Variants in GSE1 observed in about 807,000 individuals in gnomAD.
The protein encoded by GSE1 is genetic suppressor element 1.
GSE1 carries 32 observed loss-of-function variants against 112.6 expected under a neutral mutation model. That is an observed-to-expected ratio of 0.28 (90% CI 0.21 to 0.38). The LOEUF (loss-of-function observed/expected upper bound fraction) is 0.38, where lower values mean the gene tolerates loss of function less well. Ranked by LOEUF, GSE1 falls within the 10% of genes least tolerant of loss-of-function variation. The pLI is 1.00. For synonymous variants in GSE1, 1,115 were observed against 735.6 expected (o/e 1.52, Z -8.35); for missense variants, 2,348 against 1,699.2 (o/e 1.38, Z -6.71).
intron 1 of GSE1, among the ~76,000 whole-genome samples, chr16:85,629,643 C>G (rs928852816): frequency 6.6e-6 from 1 of 152,198 alleles, no homozygotes; most frequent in Non-Finnish European, 1.5e-5. Context: ...CCAGTCCCAG[C>G]TTTCTCATAG....
At position 85,655,836 on chromosome 16, in the gene GSE1, G is replaced by A. The variant is rs778779111; in HGVS notation, c.908G>A (p.Gly303Glu). The A allele has an allele frequency of 9.3e-6, 15 of 1,610,922 alleles. No homozygotes were observed. Among genetic ancestry groups the A allele is most frequent in the Non-Finnish European group, 1.3e-5 (15 of 1,179,800 alleles). Residue 303 changes from glycine (G) to glutamate (E), a missense_variant, in exon 6 of 16, where the codon GGG becomes GAG. Coordinates refer to ENST00000253458, the MANE Select transcript of GSE1 (RefSeq NM_014615.5). ...HPSAMHLHLS[G>E]VRYPPELSHS... ...TCAGCGATGCACCTGCACCTCTCTGGGGTCCGCTACCCTCCCGAGCTCTCC... is the reference window on the plus strand; with the variant it reads ...TCAGCGATGCACCTGCACCTCTCTGAGGTCCGCTACCCTCCCGAGCTCTCC...
chr16:85,353,648 A>G (rs2046895002), intron 1 of GSE1, among the ~76,000 whole-genome samples: 3 of 151,954 alleles, frequency 2.0e-5, no homozygotes. Context: ...AGCCTCGGCA[A>G]CAAGCAAGAC....
intron 2 of GSE1, among the ~76,000 whole-genome samples, chr16:85,491,036 G>T (rs1326590426): frequency 6.6e-6 from 1 of 152,168 alleles, no homozygotes; most frequent in Non-Finnish European, 1.5e-5. Flanking sequence ...GGCCGCCAGG[G>T]TACCCCAAAG....
In GSE1 at chr16:85,654,539, C is replaced by G. The variant is rs1390317804; in HGVS notation, c.599+89C>G. On this transcript the variant is annotated intron_variant, in intron 4 of 15. Transcript: ENST00000253458. ...GTCCCCAGGCAGCCTGCGGTCTGCA[C>G]AGATGAGGCTGTGCCTGCTAGATGG... is the stretch of plus-strand genomic sequence containing the variant. 6.1e-6 allele frequency: 7 copies of G among 1,155,086 alleles called. No homozygotes were observed. The East Asian group carries it at 1.4e-4, about 24-fold the overall frequency. The allele number at this position is 1,155,086 out of a possible 1,614,324, so 71.6% of individuals were successfully genotyped here.
At chr16:85,635,544 C>T (rs1371720225) in intron 2 of GSE1, among the ~76,000 whole-genome samples, 1 of 152,162 alleles carries the variant, frequency 6.6e-6, no homozygotes, top group South Asian at 2.1e-4. Context: ...GGGACAGACC[C>T]TGGGAGGAAG....
intron 1 of GSE1, among the ~76,000 whole-genome samples, chr16:85,565,323 G>A (rs553201305): frequency 1.1e-4 from 16 of 151,838 alleles, no homozygotes; most frequent in African/African-American, 3.1e-4. Flanking sequence ...ACCTGGGAGC[G>A]GAGGTTGCAG....
chr16:85,237,538 A>G (rs891006203), intron 1 of GSE1, among the ~76,000 whole-genome samples: 1 of 151,770 alleles, frequency 6.6e-6, no homozygotes, highest in Non-Finnish European at 1.5e-5. Flanking sequence ...CTGGGGAGCC[A>G]CTGAAAGTGA....
chr16:85,228,668 T>C (rs2075531083), intron 1 of GSE1, among the ~76,000 whole-genome samples: 1 of 152,002 alleles, frequency 6.6e-6, no homozygotes, highest in African/African-American at 2.4e-5. Flanking sequence ...CCCACGAGAA[T>C]GGCATGAATT....
intron 1 of GSE1, among the ~76,000 whole-genome samples, chr16:85,566,397 G>T (rs937629631): frequency 4.7e-4 from 71 of 152,224 alleles, no homozygotes; most frequent in African/African-American, 1.6e-3. Flanking sequence ...AAGAAGAAAC[G>T]GAATCGTCCT....
chr16:85,440,761 A>G (rs1241190738), intron 2 of GSE1, among the ~76,000 whole-genome samples: 1 of 152,186 alleles, frequency 6.6e-6, no homozygotes, highest in Non-Finnish European at 1.5e-5. Flanking sequence ...ATGCCCGTGG[A>G]GGTGGGGCCT....
chr16:85,326,660 A>G (rs140703280), intron 1 of GSE1, among the ~76,000 whole-genome samples: 85 of 152,360 alleles, frequency 5.6e-4, no homozygotes, highest in African/African-American at 2.0e-3. Flanking sequence ...CTGTAAGTCA[A>G]TTAAACCTCT....
intron 1 of GSE1, among the ~76,000 whole-genome samples, chr16:85,587,485 G>A (rs2046761682): frequency 6.6e-6 from 1 of 152,150 alleles, no homozygotes; most frequent in Non-Finnish European, 1.5e-5. Flanking sequence ...CAGAGGGGGA[G>A]GGGGAGGGAC....
chr16:85,566,327 T>C (rs1405449534), intron 1 of GSE1, among the ~76,000 whole-genome samples: 2 of 152,182 alleles, frequency 1.3e-5, no homozygotes, highest in African/African-American at 2.4e-5. Context: ...GAAATGGCTG[T>C]CCGCCAGCCC....
intron 1 of GSE1, among the ~76,000 whole-genome samples, chr16:85,297,215 CG>C (rs1262990429): frequency 6.6e-6 from 1 of 152,198 alleles, no homozygotes; most frequent in Non-Finnish European, 1.5e-5. Flanking sequence ...TGGAGTTGCT[CG>C]GAGCATCTGT....
intron 2 of GSE1, among the ~76,000 whole-genome samples, chr16:85,429,460 C>G (rs1239657357): frequency 6.6e-6 from 1 of 152,196 alleles, no homozygotes; most frequent in Non-Finnish European, 1.5e-5. Context: ...GAGGCAGGCA[C>G]AGCTGTGACA....
chr16:85,455,026 G>C (rs1273668228), intron 2 of GSE1, among the ~76,000 whole-genome samples: 1 of 152,226 alleles, frequency 6.6e-6, no homozygotes, highest in East Asian at 1.9e-4. Context: ...CTTATGTTCT[G>C]TTTCCTCCTC....
At chr16:85,521,232 G>A (rs1024309617) in intron 2 of GSE1, among the ~76,000 whole-genome samples, 1 of 152,230 alleles carries the variant, frequency 6.6e-6, no homozygotes, top group Non-Finnish European at 1.5e-5. Flanking sequence ...GGCGCCAGGC[G>A]TGGGAGCTGG....
At chr16:85,259,923 G>T (rs1402456012) in intron 1 of GSE1, among the ~76,000 whole-genome samples, 1 of 152,230 alleles carries the variant, frequency 6.6e-6, no homozygotes, top group Non-Finnish European at 1.5e-5. Context: ...GGGAGAAAGG[G>T]CTGGATGGTG....
chr16:85,258,813 G>GC (rs1216226762), intron 1 of GSE1, among the ~76,000 whole-genome samples: 1 of 152,190 alleles, frequency 6.6e-6, no homozygotes, highest in Admixed American at 6.5e-5. Context: ...TTTAGCCTCT[G>GC]CCCCTTGTGG....
Sources: gnomAD v4.1 joint callset for allele counts (sites outside exome capture counted in the v4.1 genomes callset) on GRCh38, gnomAD v4.1.1 for gene constraint, MANE v1.5 for transcripts, NCBI Gene and HGNC (gene_info 2026-07-23, HGNC 2026-07-21) for gene names.